CHST11: variants seen among roughly 807,000 people sequenced by gnomAD.
CHST11 encodes the protein carbohydrate sulfotransferase 11.
In CHST11, 9 loss-of-function variants were observed where a neutral mutation model predicts 30.4. That is an observed-to-expected ratio of 0.30 (90% CI 0.18 to 0.52). The LOEUF (loss-of-function observed/expected upper bound fraction) is 0.52, where lower values mean the gene tolerates loss of function less well. Ranked by LOEUF, CHST11 falls within the 20% of genes least tolerant of loss-of-function variation. The pLI is 0.97. For missense variants in CHST11, 348 were observed against 460.6 expected (o/e 0.76, Z 2.24); for synonymous variants, 152 against 187.8 (o/e 0.81, Z 1.56).
intron 2 of CHST11, among the ~76,000 whole-genome samples, chr12:104,655,989 G>C (rs1320139031): frequency 6.6e-6 from 1 of 152,206 alleles, no homozygotes; most frequent in Non-Finnish European, 1.5e-5. Flanking sequence ...CTGCTATAGT[G>C]CCATCCGTCA....
intron 2 of CHST11, among the ~76,000 whole-genome samples, chr12:104,625,960 G>A (rs958227345): frequency 1.3e-5 from 2 of 152,228 alleles, no homozygotes; most frequent in East Asian, 1.9e-4. Flanking sequence ...GTCTTGTAGT[G>A]TTGGGAGGTA....
intron 2 of CHST11, among the ~76,000 whole-genome samples, chr12:104,702,545 G>A (rs2039997797): frequency 6.6e-6 from 1 of 152,106 alleles, no homozygotes; most frequent in Non-Finnish European, 1.5e-5. Flanking sequence ...GATGTTGACT[G>A]ATGGGACATG....
At chr12:104,638,922 G>A (rs1304421879) in intron 2 of CHST11, among the ~76,000 whole-genome samples, 1 of 152,188 alleles carries the variant, frequency 6.6e-6, no homozygotes, top group Admixed American at 6.5e-5. Flanking sequence ...CCAGTGGCAG[G>A]CACAGATCCC....
intron 2 of CHST11, among the ~76,000 whole-genome samples, chr12:104,701,433 C>T (rs1056797487): frequency 3.3e-5 from 5 of 152,086 alleles, no homozygotes; most frequent in Admixed American, 1.3e-4. Context: ...CCAGACTGAC[C>T]ATAGGTGCAT....
At chr12:104,740,133 A>G in intron 2 of CHST11, among the ~76,000 whole-genome samples, 1 of 152,224 alleles carries the variant, frequency 6.6e-6, no homozygotes, top group East Asian at 1.9e-4. Flanking sequence ...AAAAAAATGC[A>G]AAGACTTTTC....
intron 1 of CHST11, among the ~76,000 whole-genome samples, chr12:104,491,388 C>G (rs2037744444): frequency 6.6e-6 from 1 of 152,180 alleles, no homozygotes; most frequent in Admixed American, 6.5e-5. Flanking sequence ...ATGATCTATT[C>G]TTTATGTAGC....
At chr12:104,594,529 T>A (rs117342256) in intron 1 of CHST11, among the ~76,000 whole-genome samples, 2 of 152,228 alleles carry the variant, frequency 1.3e-5, no homozygotes, top group African/African-American at 4.8e-5. Flanking sequence ...TTCGGGCTTC[T>A]GTACTCTCCC....
chr12:104,692,311 A>C (rs1051689328), intron 2 of CHST11, among the ~76,000 whole-genome samples: 2 of 152,194 alleles, frequency 1.3e-5, no homozygotes, highest in African/African-American at 4.8e-5. Flanking sequence ...CATCCAGACA[A>C]TGTGTTTGAC....
intron 1 of CHST11, among the ~76,000 whole-genome samples, chr12:104,520,433 AT>A (rs2038063864): frequency 6.6e-6 from 1 of 152,072 alleles, no homozygotes; most frequent in African/African-American, 2.4e-5. Context: ...GGGTTAGTAC[AT>A]GGGTGGTGGT....
intron 1 of CHST11, among the ~76,000 whole-genome samples, chr12:104,457,996 T>G (rs1181663932): frequency 2.0e-5 from 3 of 151,656 alleles, no homozygotes; most frequent in Admixed American, 6.6e-5. Flanking sequence ...AGCCGCCTCT[T>G]CCTGGTTGCC....
intron 2 of CHST11, among the ~76,000 whole-genome samples, chr12:104,747,813 C>T (rs377492705): frequency 5.3e-5 from 8 of 152,094 alleles, no homozygotes; most frequent in East Asian, 1.9e-4. Flanking sequence ...CTGCCCACCC[C>T]GAGACAGTCA....
intron 1 of CHST11, among the ~76,000 whole-genome samples, chr12:104,470,749 G>C (rs1303890477): frequency 6.6e-6 from 1 of 152,186 alleles, no homozygotes; most frequent in African/African-American, 2.4e-5. Flanking sequence ...GGAAACTGAG[G>C]CTTAGAGAGG....
intron 1 of CHST11, among the ~76,000 whole-genome samples, chr12:104,486,083 C>G (rs991313080): frequency 6.6e-6 from 1 of 152,220 alleles, no homozygotes; most frequent in African/African-American, 2.4e-5. Flanking sequence ...CCCCTCCCAG[C>G]CTTCCCTGCC....
At position 104,693,296 on chromosome 12, in the gene CHST11, C is replaced by T. The variant is rs76611599; in HGVS notation, c.205-63653C>T. On this transcript the variant is annotated intron_variant, in intron 2 of 2. Transcript: ENST00000303694. ...GAAGGGGTCACAGATCAGCGCAACA[C>T]GCCCAGTGTGACACCACTGAAAAAT... Among the ~76,000 whole-genome samples the T allele has an allele frequency of 7.8e-4, 119 of 152,306 alleles. No homozygotes were observed. In the East Asian group the frequency reaches 0.014, roughly 18 times the overall value.
chr12:104,493,547 A>G (rs1388693823), intron 1 of CHST11, among the ~76,000 whole-genome samples: 1 of 152,190 alleles, frequency 6.6e-6, no homozygotes, highest in Non-Finnish European at 1.5e-5. Flanking sequence ...GAAATAGTGT[A>G]TGCGAATGTG....
intron 2 of CHST11, among the ~76,000 whole-genome samples, chr12:104,670,588 TACAC>T (rs533460878): frequency 3.0e-3 from 394 of 130,442 alleles, no homozygotes; most frequent in African/African-American, 0.011. Flanking sequence ...CTCACACTCA[TACAC>T]ACACTCCCAC....
At chr12:104,499,236 C>T (rs1180091326) in intron 1 of CHST11, among the ~76,000 whole-genome samples, 1 of 152,182 alleles carries the variant, frequency 6.6e-6, no homozygotes, top group Non-Finnish European at 1.5e-5. Flanking sequence ...TTTACTGCTT[C>T]GTACCTGGGC....
intron 2 of CHST11, among the ~76,000 whole-genome samples, chr12:104,706,544 C>CT (rs1376867373): frequency 1.3e-5 from 2 of 151,984 alleles, no homozygotes; most frequent in Non-Finnish European, 2.9e-5. Context: ...AAGCGACCCC[C>CT]TGGCAGTGAG....
At chr12:104,634,659 A>C (rs1434226939) in intron 2 of CHST11, among the ~76,000 whole-genome samples, 2 of 152,178 alleles carry the variant, frequency 1.3e-5, no homozygotes, top group Non-Finnish European at 2.9e-5. Context: ...TGATCATGTC[A>C]GGGCCCTTTA....
Sources: gnomAD v4.1 joint callset for allele counts (sites outside exome capture counted in the v4.1 genomes callset) on GRCh38, gnomAD v4.1.1 for gene constraint, MANE v1.5 for transcripts, NCBI Gene and HGNC (gene_info 2026-07-23, HGNC 2026-07-21) for gene names.